KDM4A: variants seen among roughly 807,000 people sequenced by gnomAD.
KDM4A encodes lysine demethylase 4A, also known as lysine-specific demethylase 4A.
Under a neutral mutation model 127.1 loss-of-function variants are expected in KDM4A, and 23 were observed. That is an observed-to-expected ratio of 0.18 (90% confidence interval 0.13 to 0.26). The LOEUF is 0.26. Among genes scored for constraint, KDM4A ranks in the 10% least tolerant of loss-of-function variants. KDM4A has a pLI of 1.00. For synonymous variants in KDM4A, 443 were observed against 466.5 expected, an observed-to-expected ratio of 0.95 and a Z score of 0.65; for missense variants, 890 against 1,329.1, an observed-to-expected ratio of 0.67 and a Z score of 5.14.
At chr1:43,703,907 T>G (rs1274320947) in intron 20 of KDM4A, 113 bp from the exon 21 acceptor site, 3 of 1,300,162 alleles carry the variant, frequency 2.3e-6, no homozygotes, top group Non-Finnish European at 3.3e-6. Context: ...AAGGTAGTTG[T>G]TATTTTAGTG....
chr1:43,699,094 T>A (rs1239071872), intron 19 of KDM4A, among the ~76,000 whole-genome samples: 2 of 148,698 alleles, frequency 1.3e-5, no homozygotes, highest in East Asian at 2.0e-4. Flanking sequence ...TGGCCTTATT[T>A]TTTTTTTTTT....
intron 3 of KDM4A, among the ~76,000 whole-genome samples, chr1:43,658,303 C>T (rs569333859): frequency 2.0e-5 from 3 of 152,192 alleles, no homozygotes; most frequent in South Asian, 2.1e-4. Context: ...AACTGTTGGC[C>T]TCAAGTGATC....
In KDM4A at chr1:43,675,654, G is replaced by A. The variant is rs933030736; in HGVS notation, c.1734+3779G>A. Reference sequence around the variant, plus strand: ...GATGTCAAGAGCCAGAACCTGGAGGGTCTGCCTTGTTGCTCTGTGAAGCAG... The same window carrying A: ...GATGTCAAGAGCCAGAACCTGGAGGATCTGCCTTGTTGCTCTGTGAAGCAG... On this transcript the variant is annotated intron_variant, in intron 11 of 21. Coordinates refer to ENST00000372396, the MANE Select transcript of KDM4A (RefSeq NM_014663.3). Among the ~76,000 whole-genome samples, 37 of 152,312 alleles carry A rather than the reference G, an allele frequency of 2.4e-4. 1 individual carries two copies. The highest frequency in any genetic ancestry group is 8.9e-4 in the African/African-American group (37 of 41,558).
chr1:43,669,466 G>C (rs1196862587), intron 10 of KDM4A, among the ~76,000 whole-genome samples, 167 bp downstream of exon 10: 1 of 152,128 alleles, frequency 6.6e-6, no homozygotes, highest in Non-Finnish European at 1.5e-5. Context: ...TGTACAGGGA[G>C]GACTGGACAC....
chr1:43,670,698 G>A (rs1017134338), intron 10 of KDM4A, among the ~76,000 whole-genome samples: 1 of 151,852 alleles, frequency 6.6e-6, no homozygotes, highest in Admixed American at 6.6e-5. Context: ...CAAGTAGCTG[G>A]GACTACAGAT....
At chr1:43,687,016 T>C (rs1660998607) in intron 12 of KDM4A, among the ~76,000 whole-genome samples, 1 of 152,202 alleles carries the variant, frequency 6.6e-6, no homozygotes, top group African/African-American at 2.4e-5. Flanking sequence ...AGTGTGTTAA[T>C]TTTTTAGTTG....
chr1:43,690,329 T>G (rs1311254786), intron 13 of KDM4A, among the ~76,000 whole-genome samples: 1 of 151,870 alleles, frequency 6.6e-6, no homozygotes, highest in Non-Finnish European at 1.5e-5. Context: ...TCCGTGCATT[T>G]TTTTTTTTTT....
rs573395029 is a variant in KDM4A at position 43,693,224 on chromosome 1, C to T, written c.2376-770C>T. On this transcript the variant is annotated intron_variant, in intron 16 of 21. Transcript: ENST00000372396. This position sits in a 1 kb window ranked among gnomAD's most constrained non-coding sequence, Gnocchi z 4.2. ...AATCTCTCACCTTTACCTCTGAATG[C>T]CTGTTCTGCCCTCCAGGGCCACACA... Among the ~76,000 whole-genome samples the T allele has an allele frequency of 6.6e-6, 1 of 152,324 alleles. No homozygotes were observed. The highest frequency in any genetic ancestry group is 1.9e-4 in the East Asian group (1 of 5,184).
At chr1:43,681,510 G>T (rs949717731) in intron 11 of KDM4A, among the ~76,000 whole-genome samples, 7 of 152,158 alleles carry the variant, frequency 4.6e-5, no homozygotes, top group Non-Finnish European at 2.9e-5. Flanking sequence ...GGTACATGTT[G>T]TGTACCCTAC....
intron 11 of KDM4A, among the ~76,000 whole-genome samples, chr1:43,672,682 G>T (rs1660650310): frequency 6.6e-6 from 1 of 151,946 alleles, no homozygotes; most frequent in African/African-American, 2.4e-5. Flanking sequence ...TTTTAGTAGA[G>T]ACTGGGTTTC....
intron 2 of KDM4A, 53 bp downstream of exon 2, chr1:43,653,366 G>T: frequency 6.7e-7 from 1 of 1,491,822 alleles, no homozygotes; most frequent in Non-Finnish European, 9.0e-7. Context: ...AGAGCAGTAA[G>T]ATTTTTTTCC....
At chr1:43,668,129 T>G (rs981546480) in intron 9 of KDM4A, 110 bp downstream of exon 9, 1 of 1,406,258 alleles carries the variant, frequency 7.1e-7, no homozygotes, top group Non-Finnish European at 9.7e-7. Context: ...TTTGTTTTTG[T>G]TTTTGTTTTT....
intron 4 of KDM4A, among the ~76,000 whole-genome samples, chr1:43,662,372 G>A (rs1211129696): frequency 6.6e-6 from 1 of 152,016 alleles, no homozygotes; most frequent in Admixed American, 6.6e-5. Context: ...CACTTTGGGA[G>A]GCCAAGGCGG....
At position 43,691,648 on chromosome 1, in the gene KDM4A, A is replaced by G. The variant is rs1259551929; in HGVS notation, c.2319+76A>G. The G allele has an allele frequency of 9.4e-6, 12 of 1,276,460 alleles. No homozygotes were observed. In the East Asian group the frequency reaches 2.8e-4, roughly 29 times the overall value. 79.1% of individuals were successfully genotyped at this position (1,276,460 alleles called of 1,614,324 possible). ...TCAGGGCCAGACGATTTCATGTTGG[A>G]CTCAGTATTCCCAGCAGTCTGCATA... is the stretch of plus-strand genomic sequence containing the variant. On this transcript the variant is annotated intron_variant, in intron 15 of 21. Transcript: ENST00000372396.
chr1:43,661,210 G>A (rs1384244413), intron 4 of KDM4A, among the ~76,000 whole-genome samples: 1 of 151,922 alleles, frequency 6.6e-6, no homozygotes, highest in African/African-American at 2.4e-5. Context: ...CCCGACCTCA[G>A]GTGATCCACC....
chr1:43,695,819 C>G (rs2154048923), intron 18 of KDM4A, among the ~76,000 whole-genome samples: 1 of 151,974 alleles, frequency 6.6e-6, no homozygotes, highest in East Asian at 1.9e-4. Context: ...GTTTATTGAC[C>G]CTCGTGGGTT....
intron 11 of KDM4A, among the ~76,000 whole-genome samples, chr1:43,675,264 A>T (rs1042290217): frequency 1.6e-4 from 24 of 152,166 alleles, no homozygotes; most frequent in African/African-American, 5.8e-4. Context: ...CTTTCTAATC[A>T]TTTATGGCAT....
intron 13 of KDM4A, among the ~76,000 whole-genome samples, chr1:43,690,326 ATTT>A (rs774067063): frequency 6.9e-6 from 1 of 144,412 alleles, no homozygotes; most frequent in Non-Finnish European, 1.5e-5. Flanking sequence ...ATCTCCGTGC[ATTT>A]TTTTTTTTTT....
intron 3 of KDM4A, among the ~76,000 whole-genome samples, chr1:43,659,670 G>A (rs998691993): frequency 1.3e-4 from 20 of 152,176 alleles, no homozygotes; most frequent in Non-Finnish European, 2.2e-4. Flanking sequence ...ATAAATATGC[G>A]TATATGTGAG....
Sources: allele counts gnomAD v4.1 joint callset (sites outside exome capture counted in the v4.1 genomes callset), GRCh38; gene constraint gnomAD v4.1.1; non-coding constraint Gnocchi (gnomAD v3.1); transcripts MANE v1.5; gene names NCBI Gene and HGNC (gene_info 2026-07-23, HGNC 2026-07-21).